The following RALYL variants were observed in gnomAD, a reference collection of about 807,000 sequenced individuals.
The protein encoded by RALYL is RNA-binding Raly-like protein.
A neutral mutation model predicts 35.1 loss-of-function variants in RALYL; 29 were observed. The observed-to-expected ratio is 0.83, with a 90% CI of 0.61 to 1.13. The LOEUF (loss-of-function observed/expected upper bound fraction) is 1.13, where lower values mean the gene tolerates loss of function less well. RALYL is among the 50% of genes most tolerant of loss of function. The probability of loss-of-function intolerance (pLI) is 0.00; values close to 1 mark genes in which losing one functional copy is unlikely to be tolerated. For missense variants in RALYL, 359 were observed against 360.4 expected, an observed-to-expected ratio of 1.00 and a Z score of 0.03; for synonymous variants, 120 against 127.6, an observed-to-expected ratio of 0.94 and a Z score of 0.40.
chr8:84,803,484 T>C (rs1384797678), intron 3 of RALYL, among the ~76,000 whole-genome samples: 1 of 152,142 alleles, frequency 6.6e-6, no homozygotes, highest in East Asian at 1.9e-4. Flanking sequence ...AATAAGGCAA[T>C]TAATGTACCT....
At chr8:84,781,453 T>C (rs1221369023) in intron 3 of RALYL, among the ~76,000 whole-genome samples, 5 of 152,238 alleles carry the variant, frequency 3.3e-5, no homozygotes, top group Non-Finnish European at 7.3e-5. Context: ...GTTATGTTTT[T>C]AATGCATGAA....
At chr8:84,709,731 C>G (rs535002617) in intron 2 of RALYL, among the ~76,000 whole-genome samples, 50 of 152,170 alleles carry the variant, frequency 3.3e-4, no homozygotes, top group African/African-American at 1.1e-3. Flanking sequence ...ACTTTCTTCT[C>G]TTCCTGGTAC....
intron 1 of RALYL, among the ~76,000 whole-genome samples, chr8:84,365,213 C>A (rs1853970172): frequency 6.6e-6 from 1 of 152,144 alleles, no homozygotes; most frequent in African/African-American, 2.4e-5. Flanking sequence ...CACTCTTGGG[C>A]ATACATGTAT....
intron 2 of RALYL, among the ~76,000 whole-genome samples, chr8:84,765,434 G>A (rs1257581342): frequency 1.3e-5 from 2 of 152,112 alleles, no homozygotes; most frequent in South Asian, 2.1e-4. Flanking sequence ...TGCTTGGCAC[G>A]TGGGCTTTGC....
At chr8:84,737,926 T>C (rs1847611766) in intron 2 of RALYL, among the ~76,000 whole-genome samples, 2 of 151,966 alleles carry the variant, frequency 1.3e-5, no homozygotes, top group African/African-American at 4.8e-5. Context: ...CTGTAAGAAA[T>C]AAATTTCTGT....
At chr8:84,670,695 A>G (rs922042163) in intron 2 of RALYL, among the ~76,000 whole-genome samples, 1 of 152,170 alleles carries the variant, frequency 6.6e-6, no homozygotes, top group Admixed American at 6.5e-5. Flanking sequence ...AGCGTTAATC[A>G]CTATCATGAG....
chr8:84,704,668 A>G (rs1170108340), intron 2 of RALYL, among the ~76,000 whole-genome samples: 1 of 152,198 alleles, frequency 6.6e-6, no homozygotes. Context: ...CCCTAAAGCA[A>G]GATATAACCA....
intron 1 of RALYL, among the ~76,000 whole-genome samples, chr8:84,521,877 T>A (rs979838368): frequency 2.6e-5 from 4 of 152,304 alleles, no homozygotes; most frequent in South Asian, 4.1e-4. Context: ...AATCTCCAGA[T>A]GAAAACACCT....
At chr8:84,187,834 C>A (rs1244835233) in intron 1 of RALYL, among the ~76,000 whole-genome samples, 1 of 152,026 alleles carries the variant, frequency 6.6e-6, no homozygotes, top group Non-Finnish European at 1.5e-5. Context: ...AGGTCTGTTG[C>A]GTTTTTGCAA....
chr8:84,218,525 C>T (rs1821387399), intron 1 of RALYL, among the ~76,000 whole-genome samples: 1 of 151,928 alleles, frequency 6.6e-6, no homozygotes, highest in South Asian at 2.1e-4. Flanking sequence ...TAATTTTTTT[C>T]ACACAGATTA....
intron 1 of RALYL, among the ~76,000 whole-genome samples, chr8:84,356,898 A>C (rs1391665609): frequency 3.1e-3 from 469 of 151,958 alleles, no homozygotes; most frequent in African/African-American, 9.4e-3. Context: ...ATATAGAATA[A>C]TAGAGTAAAT....
intron 1 of RALYL, among the ~76,000 whole-genome samples, chr8:84,348,378 T>C (rs1176441404): frequency 1.3e-5 from 2 of 152,114 alleles, no homozygotes; most frequent in East Asian, 3.9e-4. Context: ...TTTTTCTGTA[T>C]TTTCTACTTA....
chr8:84,753,036 C>T (rs908162466), intron 2 of RALYL, among the ~76,000 whole-genome samples: 1 of 152,160 alleles, frequency 6.6e-6, no homozygotes, highest in Non-Finnish European at 1.5e-5. Flanking sequence ...AACCCATGGG[C>T]ACTCAGTTCC....
At chr8:84,737,835 G>A (rs977642970) in intron 2 of RALYL, among the ~76,000 whole-genome samples, 4 of 151,918 alleles carry the variant, frequency 2.6e-5, no homozygotes, top group Non-Finnish European at 5.9e-5. Flanking sequence ...TGAAAACATG[G>A]CCCTCTATGA....
chr8:84,459,321 G>A (rs144713836), intron 1 of RALYL, among the ~76,000 whole-genome samples: 2,499 of 151,766 alleles, frequency 0.016, 68 homozygotes, highest in African/African-American at 0.057. Context: ...GAACTAGGAG[G>A]CATAACAAGG....
At chr8:84,680,948 T>C (rs1023595289) in intron 2 of RALYL, among the ~76,000 whole-genome samples, 2 of 152,028 alleles carry the variant, frequency 1.3e-5, no homozygotes. Context: ...TGAATGGTAA[T>C]GCCTAGGTTT....
chr8:84,650,359 T>A (rs1432702662), intron 2 of RALYL, among the ~76,000 whole-genome samples: 2 of 151,536 alleles, frequency 1.3e-5, no homozygotes, highest in Non-Finnish European at 2.9e-5. Context: ...TACAATGAAC[T>A]CAAACAAATT....
chr8:84,341,824 C>G (rs1004431217), intron 1 of RALYL, among the ~76,000 whole-genome samples: 1 of 151,878 alleles, frequency 6.6e-6, no homozygotes, highest in Non-Finnish European at 1.5e-5. Flanking sequence ...AGTCACTATT[C>G]AAGTCACTAT....
At chr8:84,308,202 A>G (rs985626880) in intron 1 of RALYL, among the ~76,000 whole-genome samples, 9 of 152,124 alleles carry the variant, frequency 5.9e-5, no homozygotes, top group Non-Finnish European at 1.2e-4. Flanking sequence ...CAGAGAAGAA[A>G]AATACTTACA....
Sources: gnomAD v4.1 joint callset for allele counts (sites outside exome capture counted in the v4.1 genomes callset) on GRCh38, gnomAD v4.1.1 for gene constraint, MANE v1.5 for transcripts, NCBI Gene and HGNC (gene_info 2026-07-23, HGNC 2026-07-21) for gene names.